The following MAP3K4 variants were observed in gnomAD, a reference collection of about 807,000 sequenced individuals.
MAP3K4 encodes MAP three kinase 1.
MAP3K4 carries 67 observed loss-of-function variants against 185.6 expected under a neutral mutation model. That is an observed-to-expected ratio of 0.36 (90% CI 0.30 to 0.44). The LOEUF is 0.44. Among genes scored for constraint, MAP3K4 ranks in the 20% least tolerant of loss-of-function variants. The pLI is 1.00. For synonymous variants in MAP3K4, 702 were observed against 710.4 expected, an observed-to-expected ratio of 0.99 and a Z score of 0.19; for missense variants, 1,551 against 1,995.1, an observed-to-expected ratio of 0.78 and a Z score of 4.24.
chr6:161,106,641 T>C lies in MAP3K4; in HGVS notation c.3984T>C (p.Tyr1328=). ...AAGTTTGTGATACGCCTAAGTCCTA[T>C]GATAATGTTATGCACGTTGGCTTGA... is the stretch of plus-strand genomic sequence containing the variant. The part of the protein sequence containing the change: ...IGQVCDTPKS[Y]DNVMHVGLRK... Residue 1328 remains tyrosine (Y), a synonymous_variant, in exon 20 of 27, where the codon TAT becomes TAC. Transcript: ENST00000392142. The surrounding 1 kb of genome is among the most constrained non-coding windows in gnomAD (Gnocchi z 4.9). 3 of 1,613,952 alleles carry C rather than the reference T, an allele frequency of 1.9e-6. No individual in the cohort carries two copies. The highest frequency in any genetic ancestry group is 2.5e-6 in the Non-Finnish European group (3 of 1,179,958).
chr6:161,108,879 A>T lies in MAP3K4; in HGVS notation c.4236+20A>T, dbSNP rs1562547251. 1 of 1,601,050 alleles carries T rather than the reference A, an allele frequency of 6.2e-7. No homozygotes were observed. ...CATAGAGTAAGCCGACCCTAATGCC[A>T]CTCTTTGTGTGAGGAATCAGTGAGG... On this transcript the variant is annotated intron_variant, in intron 22 of 26. Transcript: ENST00000392142. This position sits in a 1 kb window ranked among gnomAD's most constrained non-coding sequence, Gnocchi z 5.7.
At chr6:161,019,983 T>C (rs1002828226) in intron 1 of MAP3K4, among the ~76,000 whole-genome samples, 1 of 152,216 alleles carries the variant, frequency 6.6e-6, no homozygotes, top group Non-Finnish European at 1.5e-5. Flanking sequence ...GACACTTATA[T>C]GATTTTGTAA....
rs1426788390 is a variant in MAP3K4, at chr6:161,117,299, C to T, written c.*429C>T. 1.2e-5 allele frequency: 2 copies of T among 163,418 alleles called. No homozygotes were observed. The highest frequency in any genetic ancestry group is 2.6e-5 in the Non-Finnish European group (2 of 75,634). The allele number at this position is 163,418 out of a possible 1,614,324, so 10.1% of individuals were successfully genotyped here. Reference sequence around the variant, plus strand: ...TACCTTTTTTGTTGTTGTTGGCAAGCTGCAGGTTTGTAATGCAAAAGGCTG... The same window carrying T: ...TACCTTTTTTGTTGTTGTTGGCAAGTTGCAGGTTTGTAATGCAAAAGGCTG... On this transcript the variant is annotated 3_prime_UTR_variant, in exon 27 of 27. Transcript: ENST00000392142.
At chr6:161,081,909 A>G (rs2114843473) in intron 6 of MAP3K4, among the ~76,000 whole-genome samples, 1 of 152,292 alleles carries the variant, frequency 6.6e-6, no homozygotes. Flanking sequence ...TTCTAGTCCT[A>G]GACCCCATTG....
intron 3 of MAP3K4, among the ~76,000 whole-genome samples, chr6:161,052,726 C>T (rs766708319): frequency 3.3e-5 from 5 of 151,794 alleles, no homozygotes; most frequent in African/African-American, 4.8e-5. Flanking sequence ...TAAAGGGAGG[C>T]GTGTGTGTGT....
chr6:161,097,072 G>A lies in MAP3K4; in HGVS notation c.3428-8G>A. ...ACAAGTTGCATTTGTTGCCATTTTTGCTGGCAGCCATTCATCGGAACAGCC... is the reference window on the plus strand; with the variant it reads ...ACAAGTTGCATTTGTTGCCATTTTTACTGGCAGCCATTCATCGGAACAGCC... On this transcript the variant is annotated splice_region_variant and splice_polypyrimidine_tract_variant and intron_variant, in intron 15 of 26. Coordinates refer to ENST00000392142, the MANE Select transcript of MAP3K4 (RefSeq NM_005922.4). This position sits in a 1 kb window ranked among gnomAD's most constrained non-coding sequence, Gnocchi z 4.9. 2 of 1,612,622 alleles carry A rather than the reference G, an allele frequency of 1.2e-6. No homozygotes were observed. Among genetic ancestry groups the A allele is most frequent in the Non-Finnish European group, 1.7e-6 (2 of 1,179,008 alleles).
chr6:161,066,937 G>A (rs1294176490), intron 3 of MAP3K4, among the ~76,000 whole-genome samples: 4 of 152,218 alleles, frequency 2.6e-5, no homozygotes, highest in Non-Finnish European at 5.9e-5. Flanking sequence ...AGAAAGTTTG[G>A]TGAATTTTAT....
In MAP3K4 at chr6:161,106,607, T is replaced by C; in HGVS notation, c.3950T>C (p.Ile1317Thr). 6.2e-7 allele frequency: 1 copy of C among 1,612,832 alleles called. No homozygotes were observed. Among genetic ancestry groups the C allele is most frequent in the Non-Finnish European group, 8.5e-7 (1 of 1,178,874 alleles). ...TACCGAGAAATGAGGAGAAAGAATA[T>C]CATTGGTCAAGTTTGTGATACGCCT... is the stretch of plus-strand genomic sequence containing the variant. ...KRYREMRRKNIIGQVCDTPKS... is the reference protein window; with the variant it reads ...KRYREMRRKNTIGQVCDTPKS... Residue 1317 changes from isoleucine (I) to threonine (T), a missense_variant, in exon 20 of 27, where the codon ATC (isoleucine) becomes ACC (threonine). Ile to Thr is a moderately conservative substitution (Grantham distance 89). Around this residue, in one of 16 missense-constraint regions of MAP3K4, gnomAD observed 272 missense variants for 301.2 expected, o/e 0.90. Transcript: ENST00000392142. This position sits in a 1 kb window ranked among gnomAD's most constrained non-coding sequence, Gnocchi z 4.9.
rs1289668385 is a variant in MAP3K4, at chr6:161,092,966, T to C, written c.3270-12T>C. On this transcript the variant is annotated splice_polypyrimidine_tract_variant and intron_variant, in intron 13 of 26. Coordinates refer to ENST00000392142, the MANE Select transcript of MAP3K4 (RefSeq NM_005922.4). Reference sequence around the variant, plus strand: ...GGTTGTTATGTGATTACTGAACTTTTTCGTGTACCAGGTGGGCGACTCAAG... The same window carrying C: ...GGTTGTTATGTGATTACTGAACTTTCTCGTGTACCAGGTGGGCGACTCAAG... The C allele has an allele frequency of 1.9e-6, 3 of 1,597,832 alleles. No homozygotes were observed. The highest frequency in any genetic ancestry group is 2.7e-5 in the African/African-American group (2 of 74,574).
Position 161,091,635 on chromosome 6 carries a change from G to T in MAP3K4, c.3135+95G>T, listed in dbSNP as rs1777316642. ...AACCTTTTACAGTAAATCTGATATT[G>T]TAATCATAGCTTAATCAAGAATATC... is the stretch of plus-strand genomic sequence containing the variant. On this transcript the variant is annotated intron_variant, in intron 12 of 26. Transcript: ENST00000392142. This position sits in a 1 kb window ranked among gnomAD's most constrained non-coding sequence, Gnocchi z 5.5. 2 of 1,055,896 alleles carry T rather than the reference G, an allele frequency of 1.9e-6. No homozygotes were observed. Among genetic ancestry groups the T allele is most frequent in the Non-Finnish European group, 2.8e-6 (2 of 713,672 alleles). 65.4% of individuals were successfully genotyped at this position (1,055,896 alleles called of 1,614,324 possible). A position where few individuals can be genotyped will look rare whatever the true frequency, so the allele number is the denominator to read the frequency against.
rs976365671 is a variant in MAP3K4, at chr6:161,107,129, CTTCTT to C, written c.4048+429_4048+433del. On this transcript the variant is annotated intron_variant, in intron 20 of 26. Coordinates refer to ENST00000392142, the MANE Select transcript of MAP3K4 (RefSeq NM_005922.4). The surrounding 1 kb of genome is among the most constrained non-coding windows in gnomAD (Gnocchi z 6.2). ...TGGATACAAATGAGGGCAAGACAGT[CTTCTT>C]TTCTAAAACATTGCCTCATTAATTA... Among the ~76,000 whole-genome samples the C allele has an allele frequency of 6.6e-5, 10 of 151,956 alleles. No homozygotes were observed. The highest frequency in any genetic ancestry group is 2.4e-4 in the African/African-American group (10 of 41,334).
chr6:161,094,204 C>T (rs895761063), intron 15 of MAP3K4, among the ~76,000 whole-genome samples: 2 of 152,202 alleles, frequency 1.3e-5, no homozygotes, highest in Non-Finnish European at 2.9e-5. Flanking sequence ...AGGAACTGCC[C>T]CTGCTGCAGG....
Position 161,086,554 on chromosome 6 carries a change from A to G in MAP3K4, c.2473-30A>G. Reference sequence around the variant, plus strand: ...ATCTTATTTTTTTAATGCTAACCGTAAAGAAGTTTCTTTGTAACTGTGATC... The same window carrying G: ...ATCTTATTTTTTTAATGCTAACCGTGAAGAAGTTTCTTTGTAACTGTGATC... On this transcript the variant is annotated intron_variant, in intron 8 of 26. Coordinates refer to ENST00000392142, the MANE Select transcript of MAP3K4 (RefSeq NM_005922.4). The surrounding 1 kb of genome is among the most constrained non-coding windows in gnomAD (Gnocchi z 4.8). The G allele has an allele frequency of 6.2e-7, 1 of 1,607,772 alleles. No homozygotes were observed. The highest frequency in any genetic ancestry group is 8.5e-7 in the Non-Finnish European group (1 of 1,176,412).
chr6:161,048,838 T>C lies in MAP3K4; in HGVS notation c.566T>C (p.Leu189Pro). Residue 189 changes from leucine to proline, a missense_variant, in exon 3 of 27, where the codon CTC (leucine) becomes CCC (proline). This residue lies in a region of MAP3K4 where 287 missense variants were observed against 268.8 expected (regional missense o/e 1.07). Coordinates refer to ENST00000392142, the MANE Select transcript of MAP3K4 (RefSeq NM_005922.4). This position sits in a 1 kb window ranked among gnomAD's most constrained non-coding sequence, Gnocchi z 4.7. ...IPDVDLNKPY[L>P]SLGCSNAKLP... ...GATGTGGATCTCAATAAGCCTTACC[T>C]CAGCCTTGGCTGTAGCAATGCTAAG... 6.2e-7 allele frequency: 1 copy of C among 1,614,216 alleles called. No individual in the cohort carries two copies. The highest frequency in any genetic ancestry group is 8.5e-7 in the Non-Finnish European group (1 of 1,180,036).
chr6:161,093,907 TC>T lies in MAP3K4; in HGVS notation c.3427+58del. On this transcript the variant is annotated intron_variant, in intron 15 of 26. Coordinates refer to ENST00000392142, the MANE Select transcript of MAP3K4 (RefSeq NM_005922.4). This position sits in a 1 kb window ranked among gnomAD's most constrained non-coding sequence, Gnocchi z 5.2. ...GAACATAATGATTTGAGTGGACAGATCCTCTTGTAATTGCAGTCGTTTAAAA... is the reference window on the plus strand; with the variant it reads ...GAACATAATGATTTGAGTGGACAGATCTCTTGTAATTGCAGTCGTTTAAAA... 7.7e-7 allele frequency: 1 copy of T among 1,303,164 alleles called. No homozygotes were observed. The highest frequency in any genetic ancestry group is 1.8e-5 in the Admixed American group (1 of 54,602). The allele number at this position is 1,303,164 out of a possible 1,614,324, so 80.7% of individuals were successfully genotyped here.
At chr6:161,079,203 G>C (rs1414975654) in intron 5 of MAP3K4, among the ~76,000 whole-genome samples, 6 of 105,574 alleles carry the variant, frequency 5.7e-5, no homozygotes, top group Non-Finnish European at 1.1e-4. Flanking sequence ...AACAGAGCAG[G>C]ACCCTGTCTC....
At chr6:161,002,645 G>A (rs1936437402) in intron 1 of MAP3K4, among the ~76,000 whole-genome samples, 1 of 130,896 alleles carries the variant, frequency 7.6e-6, no homozygotes, top group Non-Finnish European at 1.5e-5. Context: ...AGGCTGGAGT[G>A]CAGTGGTGCA....
chr6:161,071,158 AATTT>A lies in MAP3K4; in HGVS notation c.1950+317_1950+320del, dbSNP rs1403124753. On this transcript the variant is annotated intron_variant, in intron 4 of 26. Transcript: ENST00000392142. The surrounding 1 kb of genome is among the most constrained non-coding windows in gnomAD (Gnocchi z 4.6). ...TAAGAGGTAGAGTATAAGATTCTTA[AATTT>A]ATTTATTTTTTCTATTTGAAGTACA... is the stretch of plus-strand genomic sequence containing the variant. Among the ~76,000 whole-genome samples, 4 of 152,144 alleles carry A rather than the reference AATTT, an allele frequency of 2.6e-5. No individual in the cohort carries two copies. Among genetic ancestry groups the A allele is most frequent in the South Asian group, 2.1e-4 (1 of 4,818 alleles).
rs1778527524 is a variant in MAP3K4, at chr6:161,114,979, T to G, written c.4627-144T>G. On this transcript the variant is annotated intron_variant, in intron 25 of 26. Transcript: ENST00000392142. This position sits in a 1 kb window ranked among gnomAD's most constrained non-coding sequence, Gnocchi z 4.3. ...ATAGAGATCATATGGCCTGTCAACC[T>G]AAAATATTGTTTGGCCCTTTCAGTA... The G allele has an allele frequency of 1.6e-6, 1 of 640,704 alleles. No homozygotes were observed. The highest frequency in any genetic ancestry group is 2.2e-5 in the South Asian group (1 of 45,166). The allele number at this position is 640,704 out of a possible 1,614,324, so 39.7% of individuals were successfully genotyped here. A position where few individuals can be genotyped will look rare whatever the true frequency, so the allele number is the denominator to read the frequency against.
Sources: gnomAD v4.1 joint callset for allele counts (sites outside exome capture counted in the v4.1 genomes callset) on GRCh38, gnomAD v4.1.1 for gene constraint, gnomAD v4.1.1 regional missense constraint, Gnocchi (gnomAD v3.1) non-coding constraint, MANE v1.5 for transcripts, NCBI Gene and HGNC (gene_info 2026-07-23, HGNC 2026-07-21) for gene names.